MICAL2: variants seen among roughly 807,000 people sequenced by gnomAD.
MICAL2 encodes the protein [F-actin]-monooxygenase MICAL2.
A neutral mutation model predicts 127.3 loss-of-function variants in MICAL2; 77 were observed. The ratio of observed to expected loss-of-function variants is 0.60; its 90% CI spans 0.50 to 0.73. The LOEUF (loss-of-function observed/expected upper bound fraction) is 0.73. Ranked by LOEUF, MICAL2 falls within the 30% of genes least tolerant of loss-of-function variation. The pLI, the probability that MICAL2 is intolerant of heterozygous loss-of-function variation, is 0.00. For synonymous variants in MICAL2, 570 were observed against 551.1 expected (o/e 1.03, Z -0.48); for missense variants, 1,351 against 1,434.4 (o/e 0.94, Z 0.94).
intron 3 of MICAL2, among the ~76,000 whole-genome samples, chr11:12,185,769 A>T (rs1317205352): frequency 6.6e-6 from 1 of 152,180 alleles, no homozygotes; most frequent in Non-Finnish European, 1.5e-5. Context: ...TACAGTGTGT[A>T]AAAAAGAAGA....
rs1182768670 is a variant in MICAL2, at chr11:12,269,138, C to T, written c.3335-6848C>T. On this transcript the variant is annotated intron_variant, in intron 24 of 34. Coordinates refer to the MICAL2 transcript ENST00000646065. ...CCCTTGGGGACATGTGGCAGCTGGA[C>T]GGGGATTGTTTGCTCAGTGCTGGGG... is the stretch of plus-strand genomic sequence containing the variant. 5.9e-5 allele frequency among the ~76,000 whole-genome samples: 9 copies of T among 152,116 alleles called. No homozygotes were observed. The East Asian group carries it at 1.4e-3, about 23-fold the overall frequency.
In MICAL2 at chr11:12,258,463, T is replaced by A; in HGVS notation, c.3143-5T>A. 1 of 1,613,686 alleles carries A rather than the reference T, an allele frequency of 6.2e-7. No individual in the cohort carries two copies. The highest frequency in any genetic ancestry group is 8.5e-7 in the Non-Finnish European group (1 of 1,179,558). ...TTTTCTGTATGTGTGTGCCTCTTTT[T>A]ACAGGCAAATTTTACTGCAAGCCTC... On this transcript the variant is annotated splice_region_variant and splice_polypyrimidine_tract_variant and intron_variant, in intron 24 of 27. Transcript: ENST00000683283.
rs148483486 is a variant in MICAL2, at chr11:12,219,127, G to A, written c.949-1074G>A. ...AAACAGCAGAGGTGGACTTTGACCC[G>A]TTGCTCTCACTGGCCCCAAAGCCTG... is the stretch of plus-strand genomic sequence containing the variant. On this transcript the variant is annotated intron_variant, in intron 8 of 27. Coordinates refer to ENST00000683283, the MANE Select transcript of MICAL2 (RefSeq NM_001282663.2). Among the ~76,000 whole-genome samples, 258 of 152,248 alleles carry A rather than the reference G, an allele frequency of 1.7e-3. 1 individual carries two copies. Among genetic ancestry groups the A allele is most frequent in the Non-Finnish European group, 2.2e-3 (153 of 68,010 alleles).
chr11:12,135,785 A>C (rs549554681), intron 1 of MICAL2, among the ~76,000 whole-genome samples: 1 of 152,130 alleles, frequency 6.6e-6, no homozygotes, highest in East Asian at 1.9e-4. Context: ...TTGGCTCAGC[A>C]CCTGAGTCTT....
Position 12,249,246 on chromosome 11 carries a change from GGT to G in MICAL2, c.2847+2_2847+3del, listed in dbSNP as rs146412715. On this transcript the variant is annotated splice_donor_variant, in intron 22 of 27. Coordinates refer to ENST00000683283, the MANE Select transcript of MICAL2 (RefSeq NM_001282663.2). LOFTEE classifies it high-confidence loss of function. The stretch of plus-strand genomic sequence containing the variant: ...GCCATTTGAGAACAGTGCATCCTCA[GGT>G]GAGTTAGAGCCTCCCTGAACTTCAG... 0.013 allele frequency: 20,764 copies of G among 1,566,080 alleles called. 189 individuals are homozygous for G. The highest frequency in any genetic ancestry group is 0.017 in the Non-Finnish European group (19,297 of 1,136,646).
intron 3 of MICAL2, among the ~76,000 whole-genome samples, chr11:12,199,458 G>C (rs58112789): frequency 2.9e-3 from 437 of 152,234 alleles, no homozygotes; most frequent in African/African-American, 0.01. Context: ...AGGAACACAA[G>C]GGCAGGATTC....
At chr11:12,346,278 A>G (rs1589921650) in intron 32 of MICAL2, among the ~76,000 whole-genome samples, 1 of 152,192 alleles carries the variant, frequency 6.6e-6, no homozygotes, top group East Asian at 1.9e-4. Context: ...TGATTTCAAT[A>G]GTGACAGTTC....
intron 30 of MICAL2, among the ~76,000 whole-genome samples, chr11:12,321,341 TC>T (rs1864292508): frequency 6.6e-6 from 1 of 152,122 alleles, no homozygotes; most frequent in Non-Finnish European, 1.5e-5. Flanking sequence ...CTTTGTCTCT[TC>T]TATCCCATGC....
At chr11:12,194,293 C>T (rs1859592563) in intron 3 of MICAL2, among the ~76,000 whole-genome samples, 1 of 152,236 alleles carries the variant, frequency 6.6e-6, no homozygotes, top group Non-Finnish European at 1.5e-5. Flanking sequence ...AGCTTCACCA[C>T]TGAATAGCTA....
intron 3 of MICAL2, among the ~76,000 whole-genome samples, chr11:12,185,701 C>T (rs781616067): frequency 3.3e-5 from 5 of 152,092 alleles, no homozygotes; most frequent in Admixed American, 6.6e-5. Flanking sequence ...GTTCTTTGTA[C>T]GGTACTCCGC....
At chr11:12,338,151 A>G (rs904285057) in intron 32 of MICAL2, among the ~76,000 whole-genome samples, 1 of 152,174 alleles carries the variant, frequency 6.6e-6, no homozygotes, top group African/African-American at 2.4e-5. Context: ...TATTGGGTGC[A>G]TATATATTTA....
At chr11:12,165,726 G>A (rs1379597444) in intron 3 of MICAL2, among the ~76,000 whole-genome samples, 7 of 152,224 alleles carry the variant, frequency 4.6e-5, no homozygotes, top group East Asian at 3.8e-4. Flanking sequence ...GTATACACAC[G>A]TGCGTGTGAC....
chr11:12,242,895 T>C (rs1014791011), intron 20 of MICAL2, 123 bp downstream of exon 20: 2 of 637,536 alleles, frequency 3.1e-6, no homozygotes, highest in Non-Finnish European at 5.1e-6. Flanking sequence ...AAGAGCTCTT[T>C]ATTTTTCAAG....
intron 2 of MICAL2, among the ~76,000 whole-genome samples, chr11:12,142,742 A>G (rs765214546): frequency 3.3e-4 from 50 of 152,244 alleles, no homozygotes; most frequent in Non-Finnish European, 6.5e-4. Flanking sequence ...AGAGATAGGC[A>G]TGGCTACCTG....
downstream of MICAL2, chr11:12,358,503 G>C: frequency 1.2e-6 from 2 of 1,608,778 alleles, no homozygotes; most frequent in Non-Finnish European, 1.7e-6. Context: ...CCCTCTCCCT[G>C]GCTGCACGTT....
At chr11:12,215,982 C>T (rs1180788333) in intron 7 of MICAL2, among the ~76,000 whole-genome samples, 5 of 152,164 alleles carry the variant, frequency 3.3e-5, no homozygotes, top group Non-Finnish European at 7.4e-5. Context: ...CCCCTACAGA[C>T]GTTGTGAGTT....
intron 3 of MICAL2, among the ~76,000 whole-genome samples, chr11:12,183,980 A>G (rs1033887135): frequency 2.6e-5 from 4 of 152,070 alleles, no homozygotes; most frequent in Non-Finnish European, 5.9e-5. Context: ...GGGTTTTGCC[A>G]TGTTGCCCAG....
intron 22 of MICAL2, chr11:12,253,186 C>G (rs1265435601): frequency 6.6e-6 from 1 of 152,362 alleles, no homozygotes; most frequent in Non-Finnish European, 1.5e-5. Context: ...TCCACCCCTT[C>G]CCCAGCTCTT....
rs182043742 is a variant in MICAL2 at position 12,115,982 on chromosome 11, T to C, written c.-149+5256T>C. 8.9e-3 allele frequency among the ~76,000 whole-genome samples: 1,343 copies of C among 150,690 alleles called. 19 individuals carry two copies. The highest frequency in any genetic ancestry group is 0.029 in the African/African-American group (1,213 of 41,140). ...AATACTACCCTCTTTCCCTTTCTTT[T>C]TTTTTTTTTTTTTTCTGAGATGGAG... On this transcript the variant is annotated intron_variant, in intron 1 of 27. Transcript: ENST00000683283.
Sources: allele counts gnomAD v4.1 joint callset (sites outside exome capture counted in the v4.1 genomes callset), GRCh38; gene constraint gnomAD v4.1.1; transcripts MANE v1.5; gene names NCBI Gene and HGNC (gene_info 2026-07-23, HGNC 2026-07-21).